Variants in GGT1 observed in about 807,000 individuals in gnomAD.
GGT1 encodes gamma-glutamyltransferase 1, also known as glutathione hydrolase 1 proenzyme.
Under a neutral mutation model 56.0 loss-of-function variants are expected in GGT1, and 21 were observed. The observed-to-expected ratio is 0.38, with a 90% confidence interval of 0.27 to 0.54. The LOEUF is 0.54. GGT1 is among the 20% of genes least tolerant of loss of function. The pLI is 0.82. For synonymous variants in GGT1, 238 were observed against 342.6 expected (o/e 0.69, Z 3.37); for missense variants, 466 against 787.0 (o/e 0.59, Z 4.88).
At chr22:24,589,550 G>C in the GGT1 span, 1 of 460,990 alleles carries the variant, frequency 2.2e-6, no homozygotes, top group Non-Finnish European at 3.4e-6. Flanking sequence ...CCTGGTCTGG[G>C]CCCCCAGGCC....
chr22:24,611,939 T>C (rs2046732773), intron 5 of GGT1, among the ~76,000 whole-genome samples: 1 of 152,144 alleles, frequency 6.6e-6, no homozygotes, highest in Admixed American at 6.6e-5. Context: ...CCACAGTAGC[T>C]GAGACTACAG....
rs1178111228 is a variant in GGT1 at position 24,614,860 on chromosome 22, G to C, written c.249G>C (p.Met83Ile). ...LCVGLMNAHS[M>I]GIGGGLFLTI... ...TGGGGCTCATGAATGCCCACAGCAT[G>C]GGCATCGGGGGTGGCCTCTTCCTCA... Residue 83 changes from methionine (M) to isoleucine (I), a missense_variant, in exon 6 of 16, where the codon ATG becomes ATC. By Grantham distance (10) the Met-to-Ile change is conservative. Coordinates refer to ENST00000400382, the MANE Select transcript of GGT1 (RefSeq NM_001288833.2). 4 of 1,613,324 alleles carry C rather than the reference G, an allele frequency of 2.5e-6. No homozygotes were observed. The Admixed American group carries it at 6.7e-5, about 27-fold the overall frequency.
upstream of GGT1, among the ~76,000 whole-genome samples, chr22:24,590,919 C>G (rs1385614457): frequency 6.6e-6 from 1 of 152,182 alleles, no homozygotes; most frequent in Non-Finnish European, 1.5e-5. Flanking sequence ...TCCCTTCTCT[C>G]TCCCCACCAC....
At chr22:24,614,994 A>G in intron 6 of GGT1, 47 bp from the exon 7 acceptor site, 4 of 1,539,240 alleles carry the variant, frequency 2.6e-6, no homozygotes, top group Non-Finnish European at 3.6e-6. Flanking sequence ...CTCACGTGGC[A>G]TAAAGGGTTT....
At chr22:24,611,741 A>G (rs2046707630) in intron 5 of GGT1, among the ~76,000 whole-genome samples, 1 of 150,718 alleles carries the variant, frequency 6.6e-6, no homozygotes, top group Non-Finnish European at 1.5e-5. Context: ...AGTAGCTGGG[A>G]TTACAGGCGT....
At chr22:24,593,547 G>T (rs77215897), upstream of GGT1, among the ~76,000 whole-genome samples, 9 of 152,298 alleles carry the variant, frequency 5.9e-5, no homozygotes, top group Admixed American at 2.6e-4. Flanking sequence ...CAGCACTTTG[G>T]GGGGCCGAGG....
intron 9 of GGT1, among the ~76,000 whole-genome samples, chr22:24,622,256 A>C (rs1380865346): frequency 6.6e-6 from 1 of 151,536 alleles, no homozygotes; most frequent in Non-Finnish European, 1.5e-5. Flanking sequence ...AATTCAAAGC[A>C]TAGTGAAAAG....
At chr22:24,599,572 G>A (rs2045749646), upstream of GGT1, among the ~76,000 whole-genome samples, 3 of 152,116 alleles carry the variant, frequency 2.0e-5, no homozygotes, top group South Asian at 6.2e-4. Context: ...TGGAGGTCAG[G>A]TGAGGCTGGT....
the GGT1 span, chr22:24,588,414 G>A: frequency 1.9e-6 from 2 of 1,044,052 alleles, no homozygotes; most frequent in Non-Finnish European, 2.9e-6. Context: ...AGGCAGCCAA[G>A]TGTGTGTGTG....
intron 1 of GGT1, among the ~76,000 whole-genome samples, chr22:24,606,455 C>T (rs1416330149): frequency 6.6e-6 from 1 of 152,180 alleles, no homozygotes; most frequent in Non-Finnish European, 1.5e-5. Flanking sequence ...CCCTGTGGCT[C>T]TCCACTTTAG....
At chr22:24,589,502 G>GCGGGTCA in the GGT1 span, 6 of 519,350 alleles carry the variant, frequency 1.2e-5, no homozygotes, top group Non-Finnish European at 1.6e-5. Context: ...TCTGTGACCC[G>GCGGGTCA]CAGGGTCCCC....
At chr22:24,585,416 C>T in the GGT1 span, among the ~76,000 whole-genome samples, 22 of 152,186 alleles carry the variant, frequency 1.4e-4, no homozygotes, top group African/African-American at 3.4e-4. Context: ...TGTGAGGGCC[C>T]GCTCCCTGGA....
Position 24,621,067 on chromosome 22 carries a change from GC to G in GGT1, c.732del (p.Gly246AlafsTer3). ...TAQIVKDIQA[A>X]GGIVTAEDLN... ...CCAGATTGTGAAGGACATCCAGGCG[GC>G]CGGTGAGTGGGTAACCTCAGGGGCC... On this transcript the variant is annotated frameshift_variant and splice_region_variant, in exon 9 of 16. Transcript: ENST00000400382. LOFTEE classifies it high-confidence loss of function. The G allele has an allele frequency of 6.4e-7, 1 of 1,574,100 alleles. No individual in the cohort carries two copies. The highest frequency in any genetic ancestry group is 8.6e-7 in the Non-Finnish European group (1 of 1,159,424).
upstream of GGT1, chr22:24,593,188 A>G: frequency 1.2e-6 from 1 of 826,240 alleles, no homozygotes. Context: ...CCCGCGCCGG[A>G]GCGAGGCCAG....
chr22:24,620,649 C>T lies in GGT1; in HGVS notation c.575+129C>T. On this transcript the variant is annotated intron_variant, in intron 8 of 15. Transcript: ENST00000400382. This position sits in a 1 kb window ranked among gnomAD's most constrained non-coding sequence, Gnocchi z 5.6. ...GTGCTGATAATGGGATGAGGAGATA[C>T]AGACCCTTCCCACCACGTGTGGGGA... 1.3e-6 allele frequency: 2 copies of T among 1,504,874 alleles called. No homozygotes were observed. Among genetic ancestry groups the T allele is most frequent in the Admixed American group, 2.3e-5 (1 of 43,102 alleles). 93.2% of individuals were successfully genotyped at this position (1,504,874 alleles called of 1,614,324 possible). A position where few individuals can be genotyped will look rare whatever the true frequency, so the allele number is the denominator to read the frequency against.
Position 24,607,430 on chromosome 22 carries a change from G to A in GGT1, c.-428-524G>A, listed in dbSNP as rs544399212. On this transcript the variant is annotated intron_variant, in intron 1 of 15. Transcript: ENST00000400382. ...AACCAGCCTGGGGCTCACTGGAGGG[G>A]CTCGTGGGCAGACAGCGCCCTTTGG... Among the ~76,000 whole-genome samples the A allele has an allele frequency of 2.0e-5, 3 of 152,342 alleles. No homozygotes were observed. The South Asian group carries it at 6.2e-4, about 32-fold the overall frequency.
intron 7 of GGT1, among the ~76,000 whole-genome samples, chr22:24,618,263 A>G (rs1030752119): frequency 2.0e-5 from 3 of 152,150 alleles, no homozygotes; most frequent in South Asian, 2.1e-4. Context: ...GTTGCTAAGC[A>G]TCGTCACCCT....
At chr22:24,588,164 A>G in the GGT1 span, 1 of 1,421,752 alleles carries the variant, frequency 7.0e-7, no homozygotes, top group South Asian at 1.2e-5. Flanking sequence ...CAACCTGAGA[A>G]GGGACCTTGG....
At chr22:24,621,789 G>A (rs1286246549) in intron 9 of GGT1, among the ~76,000 whole-genome samples, 1 of 151,840 alleles carries the variant, frequency 6.6e-6, no homozygotes, top group Non-Finnish European at 1.5e-5. Flanking sequence ...GGTGGCTCAC[G>A]TCTGTAATCC....
Sources: gnomAD v4.1 joint callset for allele counts (sites outside exome capture counted in the v4.1 genomes callset) on GRCh38, gnomAD v4.1.1 for gene constraint, Gnocchi (gnomAD v3.1) non-coding constraint, MANE v1.5 for transcripts, NCBI Gene and HGNC (gene_info 2026-07-23, HGNC 2026-07-21) for gene names.